WWOX: variants seen among roughly 807,000 people sequenced by gnomAD.
WWOX encodes the protein WW domain-containing oxidoreductase.
WWOX carries 69 observed loss-of-function variants against 46.2 expected under a neutral mutation model. That is an observed-to-expected ratio of 1.49 (90% CI 1.23 to 1.82). The LOEUF is 1.82. Among genes scored for constraint, WWOX ranks in the 40% most tolerant of loss-of-function variants. The pLI, the probability that WWOX is intolerant of heterozygous loss-of-function variation, is 0.00. For missense variants in WWOX, 919 were observed against 542.6 expected, an observed-to-expected ratio of 1.69 and a Z score of -6.89; for synonymous variants, 359 against 202.6, an observed-to-expected ratio of 1.77 and a Z score of -6.56.
chr16:78,929,885 TC>T (rs2045581021), intron 8 of WWOX, among the ~76,000 whole-genome samples: 1 of 152,128 alleles, frequency 6.6e-6, no homozygotes, highest in African/African-American at 2.4e-5. Context: ...ATCTAGCCCA[TC>T]CTTCTTTCTT....
intron 6 of WWOX, among the ~76,000 whole-genome samples, chr16:78,399,122 C>T (rs983804036): frequency 6.6e-6 from 1 of 151,138 alleles, no homozygotes; most frequent in Non-Finnish European, 1.5e-5. Context: ...GAGGTAAGTA[C>T]AAGGAAGGGG....
At chr16:78,789,409 C>T (rs1419007268) in intron 8 of WWOX, among the ~76,000 whole-genome samples, 2 of 152,110 alleles carry the variant, frequency 1.3e-5, no homozygotes, top group African/African-American at 4.8e-5. Flanking sequence ...AAAGATAATT[C>T]TTTCTCTATT....
intron 5 of WWOX, among the ~76,000 whole-genome samples, chr16:78,385,236 G>A (rs142659119): frequency 2.0e-4 from 30 of 151,980 alleles, no homozygotes; most frequent in African/African-American, 7.0e-4. Flanking sequence ...GTCTGATGTG[G>A]CCTTCAGGGA....
intron 8 of WWOX, among the ~76,000 whole-genome samples, chr16:79,080,698 G>A (rs1261862305): frequency 6.6e-6 from 1 of 152,172 alleles, no homozygotes; most frequent in Non-Finnish European, 1.5e-5. Flanking sequence ...CGGGTACAGT[G>A]GCTCATACCT....
intron 8 of WWOX, among the ~76,000 whole-genome samples, chr16:78,886,546 C>G (rs113959708): frequency 0.011 from 1,660 of 151,498 alleles, 34 homozygotes; most frequent in African/African-American, 0.037. Context: ...AGAATTTCAT[C>G]TCACATCTAA....
chr16:79,057,169 G>T (rs1176937842), intron 8 of WWOX, among the ~76,000 whole-genome samples: 2 of 152,178 alleles, frequency 1.3e-5, no homozygotes, highest in African/African-American at 4.8e-5. Flanking sequence ...GGAGGGTAGT[G>T]TGAAGTGGCG....
chr16:78,561,592 G>T (rs144610400), intron 8 of WWOX, among the ~76,000 whole-genome samples: 2,048 of 149,142 alleles, frequency 0.014, 25 homozygotes, highest in Middle Eastern at 0.02. Flanking sequence ...ATTTTTTTTT[G>T]AATAACAGAA....
intron 8 of WWOX, among the ~76,000 whole-genome samples, chr16:78,932,025 G>T (rs2045634427): frequency 6.6e-6 from 1 of 152,202 alleles, no homozygotes; most frequent in South Asian, 2.1e-4. Context: ...TTGGCCTTCT[G>T]CCGTGATTGT....
chr16:79,114,860 A>G (rs2049482944), intron 8 of WWOX, among the ~76,000 whole-genome samples: 1 of 152,186 alleles, frequency 6.6e-6, no homozygotes, highest in African/African-American at 2.4e-5. Flanking sequence ...GCTGCCTTTA[A>G]TGGGCGTAGA....
At chr16:78,559,141 C>T (rs968352518) in intron 8 of WWOX, among the ~76,000 whole-genome samples, 1 of 152,182 alleles carries the variant, frequency 6.6e-6, no homozygotes, top group Non-Finnish European at 1.5e-5. Flanking sequence ...AGCTGACCTT[C>T]CCAGGTGCTT....
chr16:78,463,259 A>C (rs1011921020), intron 8 of WWOX, among the ~76,000 whole-genome samples: 1 of 152,142 alleles, frequency 6.6e-6, no homozygotes, highest in Admixed American at 6.6e-5. Context: ...CGCATGTTGG[A>C]GGTGCCCTTG....
chr16:78,514,525 A>G (rs747841491), intron 8 of WWOX, among the ~76,000 whole-genome samples: 4 of 152,220 alleles, frequency 2.6e-5, no homozygotes, highest in African/African-American at 4.8e-5. Flanking sequence ...TGGTACACTT[A>G]GATAGGCATC....
chr16:78,515,465 A>T, intron 8 of WWOX, among the ~76,000 whole-genome samples: 1 of 152,092 alleles, frequency 6.6e-6, no homozygotes, highest in East Asian at 1.9e-4. Context: ...CTTTTTATTT[A>T]TTTCTAATGG....
chr16:78,525,284 C>T (rs11648885), intron 8 of WWOX: 11,779 of 149,660 alleles, frequency 0.079, 622 homozygotes, highest in East Asian at 0.19. Flanking sequence ...CTCCTAGGCT[C>T]ATGCCATTGT....
At chr16:78,876,820 A>G (rs1267956852) in intron 8 of WWOX, among the ~76,000 whole-genome samples, 2 of 152,148 alleles carry the variant, frequency 1.3e-5, no homozygotes, top group Admixed American at 6.5e-5. Context: ...TCAAACAGAT[A>G]TTTTCATCTT....
intron 8 of WWOX, among the ~76,000 whole-genome samples, chr16:78,826,709 T>C (rs1193899115): frequency 1.3e-5 from 2 of 152,194 alleles, no homozygotes; most frequent in African/African-American, 4.8e-5. Context: ...CCTTCACAAG[T>C]TGCAGGGATT....
chr16:78,481,698 C>A (rs895499990), intron 8 of WWOX, among the ~76,000 whole-genome samples: 16 of 147,146 alleles, frequency 1.1e-4, no homozygotes, highest in Non-Finnish European at 1.5e-5. Flanking sequence ...TTCAAGAATG[C>A]TATGACTTTT....
At chr16:78,164,091 G>T in intron 4 of WWOX, 92 bp from the exon 5 acceptor site, 3 of 1,179,968 alleles carry the variant, frequency 2.5e-6, no homozygotes, top group South Asian at 2.6e-5. Flanking sequence ...AGAACTTGGG[G>T]TAATTTAAGT....
chr16:78,494,061 G>A (rs1038221011), intron 8 of WWOX, among the ~76,000 whole-genome samples: 1 of 152,142 alleles, frequency 6.6e-6, no homozygotes, highest in Non-Finnish European at 1.5e-5. Context: ...CTGCCTCTCG[G>A]GAGGCCTCAG....
Sources: allele counts gnomAD v4.1 joint callset (sites outside exome capture counted in the v4.1 genomes callset), GRCh38; gene constraint gnomAD v4.1.1; transcripts MANE v1.5; gene names NCBI Gene and HGNC (gene_info 2026-07-23, HGNC 2026-07-21).